ASPHD1: variants seen among roughly 807,000 people sequenced by gnomAD.
ASPHD1 encodes aspartate beta-hydroxylase domain containing 1, also known as aspartate beta-hydroxylase domain-containing protein 1.
Under a neutral mutation model 28.3 loss-of-function variants are expected in ASPHD1, and 20 were observed. The ratio of observed to expected loss-of-function variants is 0.71; its 90% CI spans 0.50 to 1.03. The LOEUF is 1.03. ASPHD1 is among the 50% of genes least tolerant of loss of function. ASPHD1 has a pLI of 0.00. For missense variants in ASPHD1, 479 were observed against 524.1 expected (o/e 0.91, Z 0.84); for synonymous variants, 240 against 221.2 (o/e 1.08, Z -0.75).
rs2068527196 is a variant in ASPHD1 at position 29,900,637 on chromosome 16, G to C, written c.-335G>C. ...AGCCAGGCAGGACCGCAGGGTCGGG[G>C]CTAGTGAGGAGCGAGGGCAAGGAGA... On this transcript the variant is annotated 5_prime_UTR_variant, in exon 1 of 3. Coordinates refer to ENST00000308748, the MANE Select transcript of ASPHD1 (RefSeq NM_181718.4). 2 of 405,422 alleles carry C rather than the reference G, an allele frequency of 4.9e-6. No homozygotes were observed. The highest frequency in any genetic ancestry group is 9.0e-6 in the Non-Finnish European group (2 of 222,242). The allele number at this position is 405,422 out of a possible 1,614,324, so 25.1% of individuals were successfully genotyped here. A position where few individuals can be genotyped will look rare whatever the true frequency, so the allele number is the denominator to read the frequency against.
intron 3 of ASPHD1, chr16:29,913,301 G>C (rs1361016247): frequency 6.6e-6 from 1 of 151,964 alleles, no homozygotes; most frequent in Non-Finnish European, 1.5e-5. Flanking sequence ...TATTAAGATA[G>C]GCTGCAAAGC....
At chr16:29,917,852 A>T (rs1483483549) in intron 3 of ASPHD1, among the ~76,000 whole-genome samples, 2 of 152,058 alleles carry the variant, frequency 1.3e-5, no homozygotes, top group African/African-American at 4.8e-5. Flanking sequence ...GGAGGCTGAG[A>T]CATGAAAATT....
Position 29,900,905 on chromosome 16 carries a change from A to G in ASPHD1, c.-67A>G. ...AAGAGGGTGAGGAGGCGACAGAGGG[A>G]GAGGAGGAAGAAGAGGTAGAAGGAG... On this transcript the variant is annotated 5_prime_UTR_variant, in exon 1 of 3. Coordinates refer to ENST00000308748, the MANE Select transcript of ASPHD1 (RefSeq NM_181718.4). The G allele has an allele frequency of 7.1e-7, 1 of 1,405,378 alleles. No homozygotes were observed. The highest frequency in any genetic ancestry group is 9.8e-7 in the Non-Finnish European group (1 of 1,021,052). 87.1% of individuals were successfully genotyped at this position (1,405,378 alleles called of 1,614,324 possible). A position where few individuals can be genotyped will look rare whatever the true frequency, so the allele number is the denominator to read the frequency against.
chr16:29,913,751 G>A (rs2068758789), intron 3 of ASPHD1: 1 of 152,170 alleles, frequency 6.6e-6, no homozygotes, highest in African/African-American at 2.4e-5. Flanking sequence ...CTCTCCACAG[G>A]GTTGCTTGAG....
At chr16:29,906,827 G>C, downstream of ASPHD1, 4 of 1,547,364 alleles carry the variant, frequency 2.6e-6, no homozygotes, top group African/African-American at 1.4e-5. Context: ...AAAGAGAGAG[G>C]GACTGGGTCC....
At chr16:29,918,456 TTTTA>T (rs1372545342) in intron 3 of ASPHD1, among the ~76,000 whole-genome samples, 2 of 152,110 alleles carry the variant, frequency 1.3e-5, no homozygotes, top group South Asian at 2.1e-4. Context: ...ATATCAGTCA[TTTTA>T]TTTATTTTAT....
chr16:29,905,766 G>A lies in ASPHD1; in HGVS notation c.1064-22G>A, dbSNP rs758878181. 3.8e-6 allele frequency: 6 copies of A among 1,590,536 alleles called. No individual in the cohort carries two copies. In the South Asian group the frequency reaches 5.5e-5, roughly 15 times the overall value. ...AGTACCTAATGTCAGTGGCTCTGCT[G>A]TTCCTGTCCCATGTGCCCTAGGCTC... On this transcript the variant is annotated intron_variant, in intron 2 of 2. Transcript: ENST00000308748.
At chr16:29,908,478 A>G (rs1236972119), downstream of ASPHD1, among the ~76,000 whole-genome samples, 2 of 152,006 alleles carry the variant, frequency 1.3e-5, no homozygotes, top group East Asian at 1.9e-4. Flanking sequence ...TCCACTTCCC[A>G]AGTTCAAGCG....
Position 29,906,005 on chromosome 16 carries a change from G to GGGGGTTGT in ASPHD1, c.*108_*109insGGGGTTGT. The GGGGGTTGT allele has an allele frequency of 2.6e-5, 12 of 465,148 alleles. No homozygotes were observed. Among genetic ancestry groups the GGGGGTTGT allele is most frequent in the Non-Finnish European group, 3.6e-5 (9 of 252,742 alleles). The allele number at this position is 465,148 out of a possible 1,614,324, so 28.8% of individuals were successfully genotyped here. On this transcript the variant is annotated 3_prime_UTR_variant, in exon 3 of 3. Coordinates refer to ENST00000308748, the MANE Select transcript of ASPHD1 (RefSeq NM_181718.4). ...ACTGCGGGGGTGGGCGGGGGCGGAGGATGGGAACTGGCTAGTGAGCACTGA... is the reference window on the plus strand; with the variant it reads ...ACTGCGGGGGTGGGCGGGGGCGGAGGGGGGTTGTATGGGAACTGGCTAGTGAGCACTGA...
intron 1 of ASPHD1, among the ~76,000 whole-genome samples, chr16:29,903,778 CTCAAGTTT>C (rs2068575597): frequency 6.6e-6 from 1 of 152,154 alleles, no homozygotes; most frequent in Admixed American, 6.6e-5. Context: ...GCCTTCAGTA[CTCAAGTTT>C]TCAAGTGCCA....
chr16:29,906,637 G>A (rs1467451923), downstream of ASPHD1: 10 of 669,466 alleles, frequency 1.5e-5, no homozygotes, highest in Non-Finnish European at 2.5e-5. Context: ...GGGCCAGGGT[G>A]GGGACAAGTG....
intron 3 of ASPHD1, chr16:29,913,365 A>G (rs920939201): frequency 6.6e-6 from 1 of 152,220 alleles, no homozygotes; most frequent in Non-Finnish European, 1.5e-5. Context: ...TACCTGAGAA[A>G]CACAACAGAG....
At chr16:29,913,068 T>C (rs943677558) in intron 3 of ASPHD1, 5 of 151,504 alleles carry the variant, frequency 3.3e-5, no homozygotes, top group African/African-American at 1.2e-4. Flanking sequence ...CAGAAACTCA[T>C]AAGACTCTCT....
downstream of ASPHD1, chr16:29,906,583 G>A: frequency 1.7e-6 from 1 of 576,876 alleles, no homozygotes; most frequent in Non-Finnish European, 3.3e-6. Context: ...AAAGAGAAAG[G>A]GAATTCTAAA....
chr16:29,905,958 T>C lies in ASPHD1; in HGVS notation c.*61T>C, dbSNP rs1454868799. 6.0e-6 allele frequency: 7 copies of C among 1,158,812 alleles called. No homozygotes were observed. In the Admixed American group the frequency reaches 1.4e-4, roughly 23 times the overall value. 71.8% of individuals were successfully genotyped at this position (1,158,812 alleles called of 1,614,324 possible). The stretch of plus-strand genomic sequence containing the variant: ...GACACTGCGCTCAGGGACGGCTTGA[T>C]GGTAGCCAGGACCTCCTCTCTACTG... On this transcript the variant is annotated 3_prime_UTR_variant, in exon 3 of 3. Coordinates refer to ENST00000308748, the MANE Select transcript of ASPHD1 (RefSeq NM_181718.4).
At chr16:29,913,954 C>T (rs139339607) in intron 3 of ASPHD1, 1 of 152,432 alleles carries the variant, frequency 6.6e-6, no homozygotes, top group Non-Finnish European at 1.5e-5. Context: ...CTCAACCACC[C>T]AAGTAGCTGG....
rs962956219 is a variant in ASPHD1 at position 29,903,996 on chromosome 16, C to T, written c.950-856C>T. ...GGAAAAGCCATTTCCTCCAGGAAGC[C>T]TTCTCTTTTCTCGAAATGAGAGGTT... On this transcript the variant is annotated intron_variant, in intron 1 of 2. Transcript: ENST00000308748. Among the ~76,000 whole-genome samples, 5 of 152,154 alleles carry T rather than the reference C, an allele frequency of 3.3e-5. No homozygotes were observed. The East Asian group carries it at 9.7e-4, about 29-fold the overall frequency.
chr16:29,907,752 C>T (rs1273203903), downstream of ASPHD1, among the ~76,000 whole-genome samples: 3 of 151,928 alleles, frequency 2.0e-5, no homozygotes, highest in East Asian at 5.8e-4. Context: ...TGTACCACTG[C>T]ACTCCAACCT....
chr16:29,904,838 G>A lies in ASPHD1; in HGVS notation c.950-14G>A, dbSNP rs760865322. 27 of 1,595,950 alleles carry A rather than the reference G, an allele frequency of 1.7e-5. No individual in the cohort carries two copies. The highest frequency in any genetic ancestry group is 1.2e-4 in the Admixed American group (7 of 56,626). ...GGAGGCAGGAGTGCTGGATGCCCGC[G>A]TCTCTTCTTACAGGCCTAAAGATCC... On this transcript the variant is annotated splice_polypyrimidine_tract_variant and intron_variant, in intron 1 of 2. Coordinates refer to ENST00000308748, the MANE Select transcript of ASPHD1 (RefSeq NM_181718.4).
Sources: allele counts gnomAD v4.1 joint callset (sites outside exome capture counted in the v4.1 genomes callset), GRCh38; gene constraint gnomAD v4.1.1; transcripts MANE v1.5; gene names NCBI Gene and HGNC (gene_info 2026-07-23, HGNC 2026-07-21).